The following CCAR2 variants were observed in gnomAD, a reference collection of about 807,000 sequenced individuals.
CCAR2 encodes cell cycle and apoptosis regulator protein 2.
CCAR2 carries 21 observed loss-of-function variants against 108.1 expected under a neutral mutation model. That is an observed-to-expected ratio of 0.19 (90% CI 0.14 to 0.28). The LOEUF (loss-of-function observed/expected upper bound fraction) is 0.28, where lower values mean the gene tolerates loss of function less well. Ranked by LOEUF, CCAR2 falls within the 10% of genes least tolerant of loss-of-function variation. CCAR2 has a pLI of 1.00. For synonymous variants in CCAR2, 577 were observed against 472.8 expected (o/e 1.22, Z -2.86); for missense variants, 1,126 against 1,177.0 (o/e 0.96, Z 0.63).
intron 20 of CCAR2, 61 bp downstream of exon 20, chr8:22,619,416 A>G: frequency 6.5e-7 from 1 of 1,529,444 alleles, no homozygotes. Context: ...AAAAGTCCCC[A>G]GAAGGGCGCT....
chr8:22,607,487 T>TG (rs1801121307), intron 6 of CCAR2, among the ~76,000 whole-genome samples, 162 bp downstream of exon 6: 1 of 149,644 alleles, frequency 6.7e-6, no homozygotes, highest in African/African-American at 2.5e-5. Flanking sequence ...TTTTTTTTTT[T>TG]GATGGAGTCT....
At chr8:22,618,078 G>C in intron 16 of CCAR2, 1 of 594,666 alleles carries the variant, frequency 1.7e-6, no homozygotes, top group Non-Finnish European at 3.0e-6. Flanking sequence ...CAGGCAAGGT[G>C]CTTGATGTTT....
rs200047931 is a variant in CCAR2, at chr8:22,620,408, A to G, written c.*726A>G. On this transcript the variant is annotated 3_prime_UTR_variant, in exon 21 of 21. Transcript: ENST00000308511. ...GTGGTTTCAGTTTGACTTTGTATAT[A>G]AAGTTGGGGTTTTTTTTTTTTTTTT... The G allele has an allele frequency of 4.1e-5, 6 of 146,316 alleles. No individual in the cohort carries two copies. The highest frequency in any genetic ancestry group is 7.5e-5 in the Non-Finnish European group (5 of 67,092). 9.1% of individuals were successfully genotyped at this position (146,316 alleles called of 1,614,324 possible).
chr8:22,614,963 G>T lies in CCAR2; in HGVS notation c.1167G>T (p.Gln389His). The change falls in exon 11 of 21, where the codon CAG (glutamine) becomes CAT (histidine). Residue 389 changes from glutamine (Q) to histidine (H), a missense_variant. Gln to His is a conservative substitution (Grantham distance 24, BLOSUM62 0). Around this residue, in one of 4 missense-constraint regions of CCAR2, gnomAD observed 1,013 missense variants for 993.9 expected, o/e 1.02. Coordinates refer to ENST00000308511, the MANE Select transcript of CCAR2 (RefSeq NM_001393997.1). Reference protein sequence around the residue: ...VLVRTAIRCAQAQTGIDLSGC... With the variant: ...VLVRTAIRCAHAQTGIDLSGC... ...TGCGTACCGCCATCCGCTGTGCGCA[G>T]GCCCAGACTGGCATTGATTTGAGCG... 1 of 1,603,094 alleles carries T rather than the reference G, an allele frequency of 6.2e-7. No individual in the cohort carries two copies. Among genetic ancestry groups the T allele is most frequent in the Non-Finnish European group, 8.5e-7 (1 of 1,174,710 alleles).
In CCAR2 at chr8:22,616,196, C is replaced by T; in HGVS notation, c.1793C>T (p.Pro598Leu). Reference protein sequence around the residue: ...EAIKEEVVKEPKDEAQNEGPA... With the variant: ...EAIKEEVVKELKDEAQNEGPA... Reference sequence around the variant, plus strand: ...ATCAAAGAGGAGGTGGTCAAGGAGCCCAAGGATGAGGCACAGAATGAGGGC... The same window carrying T: ...ATCAAAGAGGAGGTGGTCAAGGAGCTCAAGGATGAGGCACAGAATGAGGGC... The change falls in exon 14 of 21, where the codon CCC becomes CTC. Residue 598 changes from proline (P) to leucine (L), a missense_variant. By Grantham distance (98) the Pro-to-Leu change is moderately conservative. Transcript: ENST00000308511. 6.2e-7 allele frequency: 1 copy of T among 1,613,718 alleles called. No individual in the cohort carries two copies. The highest frequency in any genetic ancestry group is 1.1e-5 in the South Asian group (1 of 91,072).
At chr8:22,621,160 A>T, downstream of CCAR2, 2 of 458,814 alleles carry the variant, frequency 4.4e-6, no homozygotes, top group Non-Finnish European at 7.9e-6. Context: ...GTGGGCCAGG[A>T]TGCATGCTGG....
intron 7 of CCAR2, among the ~76,000 whole-genome samples, chr8:22,608,541 C>T (rs1459364702): frequency 2.0e-5 from 3 of 152,150 alleles, no homozygotes; most frequent in African/African-American, 7.2e-5. Context: ...AGTTCAGGCC[C>T]CCGTGCCTTG....
Position 22,613,909 on chromosome 8 carries a change from A to T in CCAR2, c.705-183A>T, listed in dbSNP as rs571267938. 93 of 589,376 alleles carry T rather than the reference A, an allele frequency of 1.6e-4. 1 individual carries two copies. The South Asian group carries it at 1.9e-3, about 12-fold the overall frequency. The allele number at this position is 589,376 out of a possible 1,614,324, so 36.5% of individuals were successfully genotyped here. ...TTTCTTTTTTCCCTTTCCCAGTTTGACTTTTGCCATCTAGAGTTTGTAAAT... is the reference window on the plus strand; with the variant it reads ...TTTCTTTTTTCCCTTTCCCAGTTTGTCTTTTGCCATCTAGAGTTTGTAAAT... On this transcript the variant is annotated intron_variant, in intron 8 of 20. Transcript: ENST00000308511.
At chr8:22,607,115 G>C in intron 5 of CCAR2, 81 bp from the exon 6 acceptor site, 1 of 1,607,228 alleles carries the variant, frequency 6.2e-7, no homozygotes, top group South Asian at 1.1e-5. Context: ...ACTTTTGTCA[G>C]GGGGGTGGGA....
rs201201239 is a variant in CCAR2 at position 22,618,975 on chromosome 8, C to T, written c.2481C>T (p.Leu827=). ...QRAEQQDSGR[L]YLENKIHTLE... ...CGGAGCAGCAGGACAGCGGCCGGCT[C>T]TACCTAGAGAACAAGATCCACACAC... Residue 827 remains leucine (L), a synonymous_variant, in exon 19 of 21, where the codon CTC becomes CTT. Coordinates refer to ENST00000308511, the MANE Select transcript of CCAR2 (RefSeq NM_001393997.1). The T allele has an allele frequency of 1.4e-5, 23 of 1,613,276 alleles. No individual in the cohort carries two copies. In the African/African-American group the frequency reaches 2.8e-4, roughly 20 times the overall value.
chr8:22,609,445 C>T (rs2117426229), intron 7 of CCAR2, among the ~76,000 whole-genome samples: 1 of 152,320 alleles, frequency 6.6e-6, no homozygotes. Flanking sequence ...GGCCACCACG[C>T]CCGGCCCATT....
chr8:22,616,058 T>C lies in CCAR2; in HGVS notation c.1655T>C (p.Phe552Ser). The C allele has an allele frequency of 1.2e-6, 2 of 1,614,018 alleles. No homozygotes were observed. The highest frequency in any genetic ancestry group is 1.1e-5 in the South Asian group (1 of 91,070). The change falls in exon 14 of 21, where the codon TTT (phenylalanine) becomes TCT (serine). Residue 552 changes from phenylalanine (F) to serine (S), a missense_variant. Transcript: ENST00000308511. ...TTTCTGGAGATGCTCCAGAGGGATT[T>C]TGGCTATAGAGTTTATAAGATGCTA... is the stretch of plus-strand genomic sequence containing the variant. ...ELFLEMLQRD[F>S]GYRVYKMLLS... is the part of the protein sequence containing the mutation.
chr8:22,609,957 G>C (rs1383326427), intron 7 of CCAR2, among the ~76,000 whole-genome samples: 1 of 141,246 alleles, frequency 7.1e-6, no homozygotes, highest in East Asian at 2.0e-4. Context: ...TTTGAGTGCT[G>C]ACATGGCACT....
Position 22,606,051 on chromosome 8 carries a change from G to T in CCAR2, c.59-34G>T, listed in dbSNP as rs763772004. The T allele has an allele frequency of 1.0e-5, 16 of 1,572,238 alleles. No individual in the cohort carries two copies. In the Admixed American group the frequency reaches 2.7e-4, roughly 26 times the overall value. ...TTGACTCGTGCTTAAGGTGGTAGGG[G>T]CGGTTCCTGGAGATTGCTTCTCTTT... On this transcript the variant is annotated intron_variant, in intron 2 of 20. Coordinates refer to ENST00000308511, the MANE Select transcript of CCAR2 (RefSeq NM_001393997.1).
chr8:22,609,050 TTC>T (rs1801184904), intron 7 of CCAR2, among the ~76,000 whole-genome samples: 3 of 139,202 alleles, frequency 2.2e-5, no homozygotes, highest in African/African-American at 5.4e-5. Flanking sequence ...CCCTTTTTTT[TTC>T]TTTTTTTTTT....
chr8:22,606,482 C>G, intron 3 of CCAR2, 125 bp from the exon 4 acceptor site: 3 of 762,248 alleles, frequency 3.9e-6, no homozygotes, highest in Non-Finnish European at 4.5e-6. Context: ...CTGTACTTCA[C>G]TCTGTGCGAA....
rs79906777 is a variant in CCAR2, at chr8:22,617,726, G to A, written c.2021G>A (p.Arg674Gln). 14 of 1,614,104 alleles carry A rather than the reference G, an allele frequency of 8.7e-6. No homozygotes were observed. Among genetic ancestry groups the A allele is most frequent in the East Asian group, 4.5e-5 (2 of 44,888 alleles). Residue 674 changes from arginine (R) to glutamine (Q), a missense_variant, in exon 16 of 21, where the codon CGG becomes CAG. This residue lies in a region of CCAR2 where 1,013 missense variants were observed against 993.9 expected (regional missense o/e 1.02). Transcript: ENST00000308511. ...AGAKLEDSEV[R>Q]SVASNQSEME... ...GCAAAGCTGGAGGATTCGGAGGTCC[G>A]GTCCGTTGCCTCAAACCAGTCAGAG...
chr8:22,615,259 C>G, intron 11 of CCAR2, 166 bp from the exon 12 acceptor site: 1 of 961,164 alleles, frequency 1.0e-6, no homozygotes, highest in Non-Finnish European at 1.5e-6. Context: ...ACTGACTGAT[C>G]ATTTCTTGAG....
chr8:22,606,869 G>A (rs199900044), intron 4 of CCAR2, 41 bp from the exon 5 acceptor site: 1 of 1,599,872 alleles, frequency 6.3e-7, no homozygotes, highest in African/African-American at 1.3e-5. Flanking sequence ...CCTGGCCAGG[G>A]TCCCTCTTCT....
Sources: allele counts gnomAD v4.1 joint callset (sites outside exome capture counted in the v4.1 genomes callset), GRCh38; gene constraint gnomAD v4.1.1; regional missense constraint gnomAD v4.1.1; transcripts MANE v1.5; gene names NCBI Gene and HGNC (gene_info 2026-07-23, HGNC 2026-07-21).